The following PRSS12 variants were observed in gnomAD, a reference collection of about 807,000 sequenced individuals.
PRSS12 encodes the protein serine protease 12, also known as neurotrypsin.
In PRSS12, 85 loss-of-function variants were observed where a neutral mutation model predicts 104.4. That is an observed-to-expected ratio of 0.81 (90% CI 0.68 to 0.98). PRSS12 has a LOEUF of 0.98. Ranked by LOEUF, PRSS12 falls within the 50% of genes least tolerant of loss-of-function variation. PRSS12 has a pLI of 0.00. For synonymous variants in PRSS12, 454 were observed against 425.2 expected (o/e 1.07, Z -0.83); for missense variants, 1,141 against 1,139.2 (o/e 1.00, Z -0.02).
chr4:118,318,568 A>G lies in PRSS12; in HGVS notation c.972-12T>C, dbSNP rs1202149102. ...CTTTGGCAATGCCACTGAACAAATA[A>G]AAGAATGTAAGGATTCTGGATTAGA... On this transcript the variant is annotated splice_polypyrimidine_tract_variant and intron_variant, in intron 4 of 12. Coordinates refer to ENST00000296498, the MANE Select transcript of PRSS12 (RefSeq NM_003619.4). The G allele has an allele frequency of 1.9e-6, 3 of 1,612,720 alleles. No individual in the cohort carries two copies. Among genetic ancestry groups the G allele is most frequent in the African/African-American group, 2.7e-5 (2 of 74,916 alleles).
intron 1 of PRSS12, among the ~76,000 whole-genome samples, chr4:118,340,406 G>A (rs1294682747): frequency 6.6e-6 from 1 of 152,126 alleles, no homozygotes; most frequent in African/African-American, 2.4e-5. Context: ...TTCCACTCCA[G>A]GCACAGCCAG....
rs1485157069 is a variant in PRSS12, at chr4:118,352,313, G to C, written c.408C>G (p.Asn136Lys). Reference sequence around the variant, plus strand: ...CCGCGCCGTCGGGGCTCCGACAAAAGTTGTGGCGCTGTCCTCGCAGCTGAG... The same window carrying C: ...CCGCGCCGTCGGGGCTCCGACAAAACTTGTGGCGCTGTCCTCGCAGCTGAG... ...SWAQLRGQRH[N>K]FCRSPDGAGR... is the part of the protein sequence containing the mutation. Residue 136 changes from asparagine to lysine, a missense_variant, in exon 1 of 13, where the codon AAC becomes AAG. Transcript: ENST00000296498. 2.6e-5 allele frequency: 41 copies of C among 1,598,278 alleles called. No individual in the cohort carries two copies. The highest frequency in any genetic ancestry group is 3.4e-5 in the Non-Finnish European group (40 of 1,175,408).
At chr4:118,317,326 A>C (rs1344757667) in intron 5 of PRSS12, among the ~76,000 whole-genome samples, 1 of 152,218 alleles carries the variant, frequency 6.6e-6, no homozygotes, top group Non-Finnish European at 1.5e-5. Context: ...AGTAGATTTA[A>C]AAGCCATTTC....
rs754846842 is a variant in PRSS12, at chr4:118,352,620, C to A, written c.101G>T (p.Arg34Leu). The A allele has an allele frequency of 1.2e-6, 2 of 1,611,300 alleles. No homozygotes were observed. The highest frequency in any genetic ancestry group is 4.5e-5 in the East Asian group (2 of 44,756). ...GTGCGGACCCGCAGGGGGCGAATGG[C>A]GGTGGCTGTGGTGGAGGGAATCATT... is the stretch of plus-strand genomic sequence containing the variant. Reference protein sequence around the residue: ...VLNDSLHHSHRHSPPAGPHYP... With the variant: ...VLNDSLHHSHLHSPPAGPHYP... The change falls in exon 1 of 13, where the codon CGC becomes CTC. Residue 34 changes from arginine (R) to leucine (L), a missense_variant. Coordinates refer to ENST00000296498, the MANE Select transcript of PRSS12 (RefSeq NM_003619.4).
chr4:118,352,418 G>C lies in PRSS12; in HGVS notation c.303C>G (p.Ser101Arg), dbSNP rs773305255. 1 of 1,527,484 alleles carries C rather than the reference G, an allele frequency of 6.5e-7. No homozygotes were observed. The highest frequency in any genetic ancestry group is 2.0e-5 in the Admixed American group (1 of 49,534). 94.6% of individuals were successfully genotyped at this position (1,527,484 alleles called of 1,614,324 possible). The change falls in exon 1 of 13, where the codon AGC becomes AGG. Residue 101 changes from serine to arginine, a missense_variant. Coordinates refer to ENST00000296498, the MANE Select transcript of PRSS12 (RefSeq NM_003619.4). ...GACACGGGGCGCCGAAGTCCGTCAC[G>C]CTGACCCATGGCTCGCCGGCGGGGC... is the stretch of plus-strand genomic sequence containing the variant. ...WGCPAGEPWV[S>R]VTDFGAPCLR...
intron 8 of PRSS12, among the ~76,000 whole-genome samples, chr4:118,305,635 T>G (rs1743529201): frequency 6.6e-6 from 1 of 152,160 alleles, no homozygotes; most frequent in African/African-American, 2.4e-5. Flanking sequence ...ATGTTCTGTT[T>G]CTGTTTTCAT....
chr4:118,317,195 T>G (rs1723468700), intron 5 of PRSS12, among the ~76,000 whole-genome samples: 1 of 152,154 alleles, frequency 6.6e-6, no homozygotes, highest in Admixed American at 6.5e-5. Context: ...GCCTTTGTTC[T>G]TTTATTGATA....
At chr4:118,312,813 A>T (rs1743782462) in intron 7 of PRSS12, 1 of 259,442 alleles carries the variant, frequency 3.9e-6, no homozygotes, top group Admixed American at 5.2e-5. Flanking sequence ...CAGGGAGAGG[A>T]GAATATTCTT....
intron 11 of PRSS12, among the ~76,000 whole-genome samples, chr4:118,284,913 C>T (rs1209319169): frequency 6.6e-6 from 1 of 152,156 alleles, no homozygotes; most frequent in African/African-American, 2.4e-5. Context: ...AAGACCTGTA[C>T]TTGAATGTGA....
chr4:118,314,895 G>A (rs1309841972), intron 6 of PRSS12, among the ~76,000 whole-genome samples: 5 of 152,036 alleles, frequency 3.3e-5, no homozygotes, highest in Non-Finnish European at 5.9e-5. Flanking sequence ...ATGATTTTAT[G>A]AATCTCTCTA....
rs1418948438 is a variant in PRSS12 at position 118,298,808 on chromosome 4, T to C, written c.1762A>G (p.Asn588Asp). ...CCTGCATCTTCACTGTGGCGGCAGT[T>C]GTGTCTTCCAATATCTTGCTTGATA... ...DCIKQDIGRH[N>D]CRHSEDAGVI... The change falls in exon 9 of 13, where the codon AAC becomes GAC. Residue 588 changes from asparagine to aspartate, a missense_variant. Transcript: ENST00000296498. 2 of 1,614,084 alleles carry C rather than the reference T, an allele frequency of 1.2e-6. No homozygotes were observed. Among genetic ancestry groups the C allele is most frequent in the African/African-American group, 2.7e-5 (2 of 74,942 alleles).
At chr4:118,311,337 A>G (rs1196903656) in intron 7 of PRSS12, among the ~76,000 whole-genome samples, 1 of 152,142 alleles carries the variant, frequency 6.6e-6, no homozygotes, top group Non-Finnish European at 1.5e-5. Context: ...GCTATAACTA[A>G]TTTTGAGAAG....
chr4:118,319,630 C>T (rs567714874), intron 4 of PRSS12, among the ~76,000 whole-genome samples: 1 of 152,258 alleles, frequency 6.6e-6, no homozygotes, highest in Non-Finnish European at 1.5e-5. Context: ...GTTTAAACTG[C>T]TGTTATTTTC....
Position 118,352,513 on chromosome 4 carries a change from G to A in PRSS12, c.208C>T (p.Arg70Trp), listed in dbSNP as rs1283247652. 3 of 1,450,224 alleles carry A rather than the reference G, an allele frequency of 2.1e-6. No individual in the cohort carries two copies. The highest frequency in any genetic ancestry group is 2.7e-6 in the Non-Finnish European group (3 of 1,098,456). The allele number at this position is 1,450,224 out of a possible 1,614,324, so 89.8% of individuals were successfully genotyped here. A position where few individuals can be genotyped will look rare whatever the true frequency, so the allele number is the denominator to read the frequency against. Residue 70 changes from arginine to tryptophan, a missense_variant, in exon 1 of 13, where the codon CGG (arginine) becomes TGG (tryptophan). By Grantham distance (101) the Arg-to-Trp change is moderately radical. Coordinates refer to ENST00000296498, the MANE Select transcript of PRSS12 (RefSeq NM_003619.4). ...TGCGGGCGCTGGGCAGGGAGCGCCC[G>A]CGGGGGGCGCGGGAAGCGCGGGAGA... ...PPLPRFPRPP[R>W]ALPAQRPHAL...
rs1742857967 is a variant in PRSS12, at chr4:118,281,654, A to T, written c.*282T>A. Reference sequence around the variant, plus strand: ...ATGATCTTTTGTAAAATCAGCATAGAATGATTTTGAGAAATAGGTAGGGGA... The same window carrying T: ...ATGATCTTTTGTAAAATCAGCATAGTATGATTTTGAGAAATAGGTAGGGGA... On this transcript the variant is annotated 3_prime_UTR_variant, in exon 13 of 13. Transcript: ENST00000296498. 2.1e-6 allele frequency: 1 copy of T among 468,762 alleles called. No individual in the cohort carries two copies. The highest frequency in any genetic ancestry group is 3.9e-6 in the Non-Finnish European group (1 of 255,892). 29.0% of individuals were successfully genotyped at this position (468,762 alleles called of 1,614,324 possible).
At chr4:118,322,760 G>A (rs1723668138) in intron 4 of PRSS12, among the ~76,000 whole-genome samples, 1 of 151,844 alleles carries the variant, frequency 6.6e-6, no homozygotes, top group African/African-American at 2.4e-5. Context: ...TGAGACCTGT[G>A]GTTCCTTTTT....
chr4:118,288,249 TA>T (rs112975542), intron 11 of PRSS12, among the ~76,000 whole-genome samples: 1 of 152,334 alleles, frequency 6.6e-6, no homozygotes, highest in African/African-American at 2.4e-5. Context: ...TACAGAGAAG[TA>T]AACCTCAGTA....
intron 7 of PRSS12, among the ~76,000 whole-genome samples, chr4:118,311,688 T>C (rs1743733763): frequency 1.3e-5 from 2 of 152,206 alleles, no homozygotes; most frequent in South Asian, 4.1e-4. Context: ...TTCATAATAG[T>C]GATCATATAT....
intron 12 of PRSS12, among the ~76,000 whole-genome samples, 171 bp from the exon 13 acceptor site, chr4:118,282,414 T>C (rs528067792): frequency 2.6e-5 from 4 of 152,358 alleles, no homozygotes; most frequent in Non-Finnish European, 5.9e-5. Context: ...TTTTTTAATG[T>C]TGACACAATC....
Sources: gnomAD v4.1 joint callset for allele counts (sites outside exome capture counted in the v4.1 genomes callset) on GRCh38, gnomAD v4.1.1 for gene constraint, MANE v1.5 for transcripts, NCBI Gene and HGNC (gene_info 2026-07-23, HGNC 2026-07-21) for gene names.